The following FNDC3A variants were observed in gnomAD, a reference collection of about 807,000 sequenced individuals.
The protein encoded by FNDC3A is fibronectin type III domain containing 3A, also known as fibronectin type-III domain-containing protein 3A.
FNDC3A carries 32 observed loss-of-function variants against 148.9 expected under a neutral mutation model. The ratio of observed to expected loss-of-function variants is 0.21; its 90% confidence interval spans 0.16 to 0.29. The LOEUF (loss-of-function observed/expected upper bound fraction) is 0.29, where lower values mean the gene tolerates loss of function less well. Ranked by LOEUF, FNDC3A falls within the 10% of genes least tolerant of loss-of-function variation. The pLI, the probability that FNDC3A is intolerant of heterozygous loss-of-function variation, is 1.00. For missense variants in FNDC3A, 1,191 were observed against 1,452.8 expected, an observed-to-expected ratio of 0.82 and a Z score of 2.93; for synonymous variants, 472 against 473.6, an observed-to-expected ratio of 1.00 and a Z score of 0.04.
At chr13:49,035,216 AGG>A (rs1475410894) in intron 2 of FNDC3A, among the ~76,000 whole-genome samples, 1 of 152,116 alleles carries the variant, frequency 6.6e-6, no homozygotes, top group Non-Finnish European at 1.5e-5. Context: ...ACCCATGTGC[AGG>A]TAATGACACT....
At chr13:48,989,708 ATAAAACTCTGC>A (rs1437811036) in intron 1 of FNDC3A, among the ~76,000 whole-genome samples, 2 of 152,356 alleles carry the variant, frequency 1.3e-5, no homozygotes, top group East Asian at 3.9e-4. Context: ...AGAAAGATGA[ATAAAACTCTGC>A]TAAAACACAT....
chr13:48,986,385 G>GTTTTTT (rs869031197), intron 1 of FNDC3A, among the ~76,000 whole-genome samples: 1,732 of 54,394 alleles, frequency 0.032, 514 homozygotes, highest in East Asian at 0.066. Context: ...GAAGGAAGTT[G>GTTTTTT]TTTTTTTTTT....
At chr13:49,008,124 T>C (rs1055843385) in intron 2 of FNDC3A, among the ~76,000 whole-genome samples, 1 of 152,164 alleles carries the variant, frequency 6.6e-6, no homozygotes, top group Non-Finnish European at 1.5e-5. Context: ...ACTCAATAAA[T>C]ATTTAAAAGA....
In FNDC3A at chr13:49,124,935, C is replaced by T. The variant is rs187254826; in HGVS notation, c.253-6202C>T. 3.9e-5 allele frequency among the ~76,000 whole-genome samples: 6 copies of T among 152,280 alleles called. No individual in the cohort carries two copies. In the East Asian group the frequency reaches 1.2e-3, roughly 29 times the overall value. The stretch of plus-strand genomic sequence containing the variant: ...TTATCAAGAGAAGTTTATGAACTAC[C>T]TGAATGGGACTCCTGAAAGGCAATA... On this transcript the variant is annotated intron_variant, in intron 4 of 25. Transcript: ENST00000492622.
At position 49,078,716 on chromosome 13, in the gene FNDC3A, C is replaced by T. The variant is rs558283434; in HGVS notation, c.175+3352C>T. On this transcript the variant is annotated intron_variant, in intron 3 of 25. Coordinates refer to ENST00000492622, the MANE Select transcript of FNDC3A (RefSeq NM_001079673.2). ...TGGAGTTCATTTTCTTCCACTTAGC[C>T]ATCACTAGTTTCTGTCATATGGCAA... Among the ~76,000 whole-genome samples the T allele has an allele frequency of 3.9e-5, 6 of 152,302 alleles. No individual in the cohort carries two copies. In the South Asian group the frequency reaches 1.2e-3, roughly 32 times the overall value.
intron 2 of FNDC3A, among the ~76,000 whole-genome samples, chr13:49,027,893 T>C (rs1312548657): frequency 6.6e-6 from 1 of 152,024 alleles, no homozygotes; most frequent in Non-Finnish European, 1.5e-5. Flanking sequence ...GGATCAAACA[T>C]AACAGTGAAA....
intron 2 of FNDC3A, among the ~76,000 whole-genome samples, chr13:49,047,368 A>G (rs1262734245): frequency 1.3e-5 from 2 of 152,166 alleles, no homozygotes; most frequent in African/African-American, 4.8e-5. Context: ...CAGCAGATTT[A>G]CTTTTAGTTC....
At chr13:49,117,239 G>A (rs372455618) in intron 4 of FNDC3A, among the ~76,000 whole-genome samples, 28 of 152,274 alleles carry the variant, frequency 1.8e-4, no homozygotes, top group South Asian at 1.0e-3. Flanking sequence ...GTCATAAAGA[G>A]CCTGTAGCCG....
intron 4 of FNDC3A, among the ~76,000 whole-genome samples, chr13:49,122,378 C>T (rs1881410039): frequency 6.6e-6 from 1 of 151,976 alleles, no homozygotes; most frequent in Non-Finnish European, 1.5e-5. Flanking sequence ...TATAACAAAC[C>T]CACAGCCAAT....
chr13:49,008,552 TTTCTC>T (rs1952269430), intron 2 of FNDC3A, among the ~76,000 whole-genome samples: 1 of 152,174 alleles, frequency 6.6e-6, no homozygotes, highest in African/African-American at 2.4e-5. Context: ...TATGAAATGA[TTTCTC>T]TTCTACTCTT....
intron 25 of FNDC3A, 48 bp downstream of exon 25, chr13:49,203,332 T>A (rs771449086): frequency 1.4e-6 from 2 of 1,410,626 alleles, no homozygotes; most frequent in South Asian, 1.3e-5. Context: ...TACCCTTTTT[T>A]AATTTTTATG....
In FNDC3A at chr13:49,209,397, T is replaced by G. The variant is rs1253589930; in HGVS notation, c.*2002T>G. On this transcript the variant is annotated 3_prime_UTR_variant, in exon 26 of 26. Transcript: ENST00000492622. ...ACAATTTTTAATGTAATCTTGATTT[T>G]ACCTCATATACTGTACATTCCAAAA... 1.3e-5 allele frequency: 2 copies of G among 152,666 alleles called. No individual in the cohort carries two copies. The highest frequency in any genetic ancestry group is 2.9e-5 in the Non-Finnish European group (2 of 68,034). 9.5% of individuals were successfully genotyped at this position (152,666 alleles called of 1,614,324 possible).
chr13:49,020,318 A>G (rs184493959), intron 2 of FNDC3A, among the ~76,000 whole-genome samples: 3 of 152,362 alleles, frequency 2.0e-5, no homozygotes, highest in Admixed American at 2.0e-4. Flanking sequence ...AAATTGGTGA[A>G]CAAGTCATAG....
intron 8 of FNDC3A, among the ~76,000 whole-genome samples, chr13:49,157,853 C>G (rs1486159194): frequency 2.2e-5 from 3 of 136,810 alleles, no homozygotes; most frequent in Non-Finnish European, 4.7e-5. Context: ...GGTCAGGGAC[C>G]CACTTGAGGA....
chr13:49,174,636 C>G (rs1164313532), intron 12 of FNDC3A, 77 bp downstream of exon 12: 5 of 1,258,384 alleles, frequency 4.0e-6, no homozygotes, highest in Non-Finnish European at 5.5e-6. Context: ...TATTTACTGT[C>G]CAAATTATTC....
chr13:48,979,214 G>A (rs1373086868), intron 1 of FNDC3A, among the ~76,000 whole-genome samples: 1 of 152,090 alleles, frequency 6.6e-6, no homozygotes, highest in Non-Finnish European at 1.5e-5. Context: ...TATTAAAGTG[G>A]GGATACAAAC....
chr13:49,206,599 G>T (rs965121933), intron 25 of FNDC3A, among the ~76,000 whole-genome samples: 1 of 152,052 alleles, frequency 6.6e-6, no homozygotes, highest in African/African-American at 2.4e-5. Flanking sequence ...ACAGTGATTT[G>T]CCATAGGCAC....
chr13:49,056,257 A>G (rs564037052), intron 2 of FNDC3A, among the ~76,000 whole-genome samples: 7 of 152,128 alleles, frequency 4.6e-5, no homozygotes, highest in East Asian at 1.9e-4. Flanking sequence ...GACTCAAGCA[A>G]TCCTCCTGCC....
At chr13:49,172,577 G>T (rs375337629) in intron 11 of FNDC3A, among the ~76,000 whole-genome samples, 7 of 152,018 alleles carry the variant, frequency 4.6e-5, no homozygotes, top group African/African-American at 1.7e-4. Context: ...CTCATTACTT[G>T]GTTCATGGCC....
Sources: gnomAD v4.1 joint callset for allele counts (sites outside exome capture counted in the v4.1 genomes callset) on GRCh38, gnomAD v4.1.1 for gene constraint, MANE v1.5 for transcripts, NCBI Gene and HGNC (gene_info 2026-07-23, HGNC 2026-07-21) for gene names.